The following RBM6 variants were observed in gnomAD, a reference collection of about 807,000 sequenced individuals.
The protein encoded by RBM6 is RNA-binding protein 6.
Under a neutral mutation model 140.4 loss-of-function variants are expected in RBM6, and 23 were observed. The ratio of observed to expected loss-of-function variants is 0.16; its 90% CI spans 0.12 to 0.23. RBM6 has a LOEUF of 0.23. Among genes scored for constraint, RBM6 ranks in the 10% least tolerant of loss-of-function variants. The pLI, the probability that RBM6 is intolerant of heterozygous loss-of-function variation, is 1.00. For missense variants in RBM6, 1,139 were observed against 1,386.7 expected (o/e 0.82, Z 2.84); for synonymous variants, 439 against 475.6 (o/e 0.92, Z 1.00).
intron 6 of RBM6, among the ~76,000 whole-genome samples, chr3:50,006,456 G>A (rs1408915664): frequency 6.6e-6 from 1 of 152,032 alleles, no homozygotes; most frequent in Admixed American, 6.6e-5. Context: ...GACTCGACTG[G>A]ACATGAAGCA....
intron 6 of RBM6, 67 bp downstream of exon 6, chr3:49,999,580 T>G: frequency 1.2e-5 from 15 of 1,232,046 alleles, no homozygotes; most frequent in Non-Finnish European, 1.6e-5. Context: ...GAGGGAGGGT[T>G]TCAAATGATT....
intron 6 of RBM6, among the ~76,000 whole-genome samples, chr3:50,008,700 T>G (rs1559579905): frequency 6.6e-6 from 1 of 151,934 alleles, no homozygotes; most frequent in African/African-American, 2.4e-5. Context: ...ATTACGGGCA[T>G]ACACCACCAC....
At chr3:49,961,580 C>T (rs2084283498) in intron 1 of RBM6, among the ~76,000 whole-genome samples, 1 of 149,940 alleles carries the variant, frequency 6.7e-6, no homozygotes, top group Non-Finnish European at 1.5e-5. Context: ...GTGGGTGGAT[C>T]ACAATGTTAG....
chr3:49,974,199 G>C (rs1461173745), intron 4 of RBM6, among the ~76,000 whole-genome samples: 1 of 151,270 alleles, frequency 6.6e-6, no homozygotes, highest in East Asian at 2.0e-4. Context: ...TTCTGGCCCT[G>C]CTTTTCCTAT....
chr3:50,013,310 A>G (rs867992375), intron 6 of RBM6, among the ~76,000 whole-genome samples: 40 of 152,242 alleles, frequency 2.6e-4, no homozygotes, highest in East Asian at 5.8e-4. Context: ...TTGGAGGTCA[A>G]GAAGTAGGGC....
chr3:50,021,501 G>A (rs1003903881), intron 6 of RBM6, among the ~76,000 whole-genome samples: 4 of 152,028 alleles, frequency 2.6e-5, no homozygotes, highest in Non-Finnish European at 5.9e-5. Flanking sequence ...TTAGCTGGGT[G>A]TGGTGGCACA....
At chr3:50,036,096 A>G (rs906870610) in intron 6 of RBM6, among the ~76,000 whole-genome samples, 1 of 151,296 alleles carries the variant, frequency 6.6e-6, no homozygotes, top group Admixed American at 6.6e-5. Context: ...AGGTTTCACT[A>G]TATTGGCCAG....
intron 1 of RBM6, among the ~76,000 whole-genome samples, chr3:49,943,105 G>T (rs61156427): frequency 0.021 from 3,186 of 152,136 alleles, 136 homozygotes; most frequent in African/African-American, 0.074. Context: ...GGCTTAATCC[G>T]TTGTGTGTGT....
intron 7 of RBM6, among the ~76,000 whole-genome samples, chr3:50,050,986 A>G (rs143272464): frequency 6.6e-6 from 1 of 152,024 alleles, no homozygotes; most frequent in East Asian, 1.9e-4. Flanking sequence ...TATATGATTT[A>G]TAAATATTTT....
chr3:50,065,914 T>A, intron 16 of RBM6, among the ~76,000 whole-genome samples: 1 of 152,202 alleles, frequency 6.6e-6, no homozygotes. Flanking sequence ...CCTCCATGAG[T>A]TACAGTAATT....
Position 50,077,096 on chromosome 3 carries a change from G to GA in RBM6, c.3337dup (p.Arg1113LysfsTer8), listed in dbSNP as rs771720563. On this transcript the variant is annotated frameshift_variant, in exon 21 of 21. Transcript: ENST00000266022. LOFTEE classifies it high-confidence loss of function. ...AACGAGACTTACCGAGATGCTGTTC[G>GA]AAGAGTCATGTTTGCTCGATATAAA... 1 of 1,613,108 alleles carries GA rather than the reference G, an allele frequency of 6.2e-7. No homozygotes were observed. The highest frequency in any genetic ancestry group is 1.1e-5 in the South Asian group (1 of 91,000).
intron 5 of RBM6, among the ~76,000 whole-genome samples, chr3:49,983,557 A>G (rs1559551678): frequency 6.6e-6 from 1 of 152,228 alleles, no homozygotes; most frequent in Non-Finnish European, 1.5e-5. Flanking sequence ...GAAAAGTGCA[A>G]ATACACATTT....
intron 6 of RBM6, among the ~76,000 whole-genome samples, chr3:50,038,002 A>G (rs1229410637): frequency 6.6e-6 from 1 of 151,676 alleles, no homozygotes; most frequent in Non-Finnish European, 1.5e-5. Flanking sequence ...TTGTATTTTT[A>G]GTAGAGATGG....
chr3:50,019,854 A>G (rs1164837873), intron 6 of RBM6, among the ~76,000 whole-genome samples: 1 of 151,154 alleles, frequency 6.6e-6, no homozygotes, highest in Non-Finnish European at 1.5e-5. Context: ...ATTTTTCTGC[A>G]TCTATTGGTA....
At chr3:50,018,581 GTTTTT>G (rs58115280) in intron 6 of RBM6, among the ~76,000 whole-genome samples, 695 of 63,528 alleles carry the variant, frequency 0.011, 15 homozygotes, top group African/African-American at 0.044. Flanking sequence ...GTAGGAGTGT[GTTTTT>G]TTTTTTTTTT....
At chr3:50,007,754 C>T (rs1250339724) in intron 6 of RBM6, among the ~76,000 whole-genome samples, 1 of 151,738 alleles carries the variant, frequency 6.6e-6, no homozygotes, top group African/African-American at 2.4e-5. Flanking sequence ...AGGATGGTCT[C>T]GATCTCCTGA....
At chr3:50,063,991 G>T (rs902164869) in intron 15 of RBM6, among the ~76,000 whole-genome samples, 1 of 151,350 alleles carries the variant, frequency 6.6e-6, no homozygotes, top group Non-Finnish European at 1.5e-5. Context: ...GTGCAGTGGC[G>T]TGATCTATCT....
chr3:49,966,629 GCTT>G (rs2084528876), intron 2 of RBM6, among the ~76,000 whole-genome samples: 1 of 152,174 alleles, frequency 6.6e-6, no homozygotes, highest in Non-Finnish European at 1.5e-5. Context: ...TGGAATATCA[GCTT>G]CTTCATTTGG....
rs544177432 is a variant in RBM6, at chr3:50,076,007, C to T, written c.3246+677C>T. 1.1e-3 allele frequency among the ~76,000 whole-genome samples: 171 copies of T among 150,376 alleles called. 1 individual carries two copies. Among genetic ancestry groups the T allele is most frequent in the South Asian group, 2.3e-3 (11 of 4,766 alleles). On this transcript the variant is annotated intron_variant, in intron 20 of 20. Coordinates refer to ENST00000266022, the MANE Select transcript of RBM6 (RefSeq NM_005777.3). Reference sequence around the variant, plus strand: ...TTTTTGAGACAGAGTCTTGCTCTGTCGCCCAGGCTGGAATGCAGTGGTGCG... The same window carrying T: ...TTTTTGAGACAGAGTCTTGCTCTGTTGCCCAGGCTGGAATGCAGTGGTGCG...
Sources: gnomAD v4.1 joint callset for allele counts (sites outside exome capture counted in the v4.1 genomes callset) on GRCh38, gnomAD v4.1.1 for gene constraint, MANE v1.5 for transcripts, NCBI Gene and HGNC (gene_info 2026-07-23, HGNC 2026-07-21) for gene names.